Variants in LRRTM3 observed in about 807,000 individuals in gnomAD.
The protein encoded by LRRTM3 is leucine rich repeat transmembrane neuronal 3, also known as leucine-rich repeat transmembrane neuronal protein 3.
A neutral mutation model predicts 44.7 loss-of-function variants in LRRTM3; 24 were observed. The ratio of observed to expected loss-of-function variants is 0.54; its 90% CI spans 0.39 to 0.76. The LOEUF is 0.76. Ranked by LOEUF, LRRTM3 falls within the 30% of genes least tolerant of loss-of-function variation. The pLI, the probability that LRRTM3 is intolerant of heterozygous loss-of-function variation, is 0.00. For missense variants in LRRTM3, 587 were observed against 702.2 expected (o/e 0.84, Z 1.85); for synonymous variants, 277 against 278.7 (o/e 0.99, Z 0.06).
intron 2 of LRRTM3, among the ~76,000 whole-genome samples, chr10:67,022,087 G>A (rs1455445704): frequency 1.3e-5 from 2 of 152,180 alleles, no homozygotes; most frequent in East Asian, 1.9e-4. Context: ...CAGGAACTTG[G>A]ACCTTCCCTG....
At chr10:67,009,796 T>C (rs1052023513) in intron 2 of LRRTM3, among the ~76,000 whole-genome samples, 1 of 152,184 alleles carries the variant, frequency 6.6e-6, no homozygotes, top group South Asian at 2.1e-4. Context: ...TATTTCCTTT[T>C]CCCAGGTCAC....
intron 2 of LRRTM3, among the ~76,000 whole-genome samples, chr10:67,018,960 T>A (rs1852823214): frequency 6.6e-6 from 1 of 152,226 alleles, no homozygotes; most frequent in Non-Finnish European, 1.5e-5. Flanking sequence ...ATTTTCAGTA[T>A]CAGTTTGTTA....
At chr10:66,966,486 T>TA (rs201431762) in intron 2 of LRRTM3, among the ~76,000 whole-genome samples, 883 of 19,978 alleles carry the variant, frequency 0.044, 9 homozygotes, top group Non-Finnish European at 0.15. Flanking sequence ...ATGTAATATA[T>TA]TTTTTTTTTC....
chr10:66,981,086 C>T (rs1850410909), intron 2 of LRRTM3, among the ~76,000 whole-genome samples: 1 of 151,878 alleles, frequency 6.6e-6, no homozygotes, highest in African/African-American at 2.4e-5. Context: ...TGTATTTTTA[C>T]TAGAGAGGGA....
intron 2 of LRRTM3, among the ~76,000 whole-genome samples, chr10:66,988,266 T>G (rs1850847134): frequency 6.6e-6 from 1 of 152,182 alleles, no homozygotes. Flanking sequence ...GAGGTAGGAT[T>G]ATATTCACAG....
At chr10:66,950,787 C>A (rs1227089335) in intron 2 of LRRTM3, among the ~76,000 whole-genome samples, 1 of 152,082 alleles carries the variant, frequency 6.6e-6, no homozygotes, top group African/African-American at 2.4e-5. Context: ...AGCATGAGTT[C>A]ATATAAGGGC....
At chr10:67,050,068 T>A (rs1854987961) in intron 2 of LRRTM3, among the ~76,000 whole-genome samples, 2 of 152,210 alleles carry the variant, frequency 1.3e-5, no homozygotes, top group Non-Finnish European at 2.9e-5. Flanking sequence ...TGCACAAATT[T>A]CACATAAAGA....
intron 2 of LRRTM3, among the ~76,000 whole-genome samples, chr10:67,027,494 G>A (rs1259226815): frequency 1.4e-5 from 2 of 147,470 alleles, no homozygotes; most frequent in Non-Finnish European, 3.0e-5. Context: ...GAGTGCAGTG[G>A]TGTGATCTCG....
At chr10:67,078,602 C>T (rs10997496) in intron 2 of LRRTM3, among the ~76,000 whole-genome samples, 3 of 151,950 alleles carry the variant, frequency 2.0e-5, no homozygotes, top group Non-Finnish European at 2.9e-5. Context: ...CTGCAACCTC[C>T]GCCCCCTGGG....
chr10:66,966,938 T>C (rs1474080388), intron 2 of LRRTM3, among the ~76,000 whole-genome samples: 1 of 152,040 alleles, frequency 6.6e-6, no homozygotes, highest in Non-Finnish European at 1.5e-5. Flanking sequence ...ATGGGAGAAT[T>C]AGAAGAGAAA....
chr10:66,960,261 TA>T lies in LRRTM3; in HGVS notation c.1536+31815del, dbSNP rs139919408. On this transcript the variant is annotated intron_variant, in intron 2 of 2. Coordinates refer to ENST00000361320, the MANE Select transcript of LRRTM3 (RefSeq NM_178011.5). ...CATTTTTAGTTTAATTACATTAACA[TA>T]AAAAATGATCACAAATCTCCTACAA... 3.3e-3 allele frequency among the ~76,000 whole-genome samples: 508 copies of T among 152,246 alleles called. 4 individuals carry two copies. Among genetic ancestry groups the T allele is most frequent in the African/African-American group, 0.012 (485 of 41,572 alleles).
chr10:66,978,541 A>ATAAAATAAAAATAAAAAAACT (rs1437563245), intron 2 of LRRTM3, among the ~76,000 whole-genome samples: 1 of 111,194 alleles, frequency 9.0e-6, no homozygotes, highest in Non-Finnish European at 1.9e-5. Flanking sequence ...AAAAAAAAAA[A>ATAAAATAAAAATAAAAAAACT]AAAAAAAAAA....
chr10:66,928,992 A>G (rs919351931), intron 2 of LRRTM3, among the ~76,000 whole-genome samples: 1 of 152,232 alleles, frequency 6.6e-6, no homozygotes, highest in African/African-American at 2.4e-5. Flanking sequence ...GCAGGAAACT[A>G]TCAAAAGATG....
At chr10:66,940,949 T>TA (rs575327158) in intron 2 of LRRTM3, among the ~76,000 whole-genome samples, 82 of 152,310 alleles carry the variant, frequency 5.4e-4, no homozygotes, top group African/African-American at 1.9e-3. Flanking sequence ...CAAAGTGTTG[T>TA]AAAAAAATGC....
At chr10:66,958,460 C>CT (rs34122059) in intron 2 of LRRTM3, among the ~76,000 whole-genome samples, 5 of 151,452 alleles carry the variant, frequency 3.3e-5, no homozygotes, top group African/African-American at 1.2e-4. Context: ...AAATAAAAAG[C>CT]TTTTTTTTTT....
intron 2 of LRRTM3, among the ~76,000 whole-genome samples, chr10:67,002,707 T>C (rs1490601954): frequency 3.9e-5 from 6 of 152,046 alleles, no homozygotes; most frequent in Admixed American, 3.9e-4. Context: ...ATCAGGCTAA[T>C]ATAGTACTAA....
At position 67,101,109 on chromosome 10, in the gene LRRTM3, T is replaced by A. The variant is rs1199244469; in HGVS notation, c.*3313T>A. Among the ~76,000 whole-genome samples, 1 of 151,806 alleles carries A rather than the reference T, an allele frequency of 6.6e-6. No individual in the cohort carries two copies. The highest frequency in any genetic ancestry group is 1.5e-5 in the Non-Finnish European group (1 of 67,814). Reference sequence around the variant, plus strand: ...TGTTCAAAAAGTTTAACAAGTCACATATTTCTTAACATACAAGTTCGTTTG... The same window carrying A: ...TGTTCAAAAAGTTTAACAAGTCACAAATTTCTTAACATACAAGTTCGTTTG... On this transcript the variant is annotated 3_prime_UTR_variant, in exon 3 of 3. Coordinates refer to ENST00000361320, the MANE Select transcript of LRRTM3 (RefSeq NM_178011.5).
intron 2 of LRRTM3, among the ~76,000 whole-genome samples, chr10:67,001,215 C>T (rs1851666486): frequency 6.7e-6 from 1 of 149,322 alleles, no homozygotes; most frequent in African/African-American, 2.5e-5. Flanking sequence ...GCAGGAGAAT[C>T]GCTTGAACCA....
At chr10:67,026,006 G>C (rs909659687) in intron 2 of LRRTM3, among the ~76,000 whole-genome samples, 1 of 150,602 alleles carries the variant, frequency 6.6e-6, no homozygotes, top group Non-Finnish European at 1.5e-5. Context: ...ACTATCGCAA[G>C]GACAAAAAAC....
Sources: gnomAD v4.1 joint callset for allele counts (sites outside exome capture counted in the v4.1 genomes callset) on GRCh38, gnomAD v4.1.1 for gene constraint, MANE v1.5 for transcripts, NCBI Gene and HGNC (gene_info 2026-07-23, HGNC 2026-07-21) for gene names.